The following PTPRD variants were observed in gnomAD, a reference collection of about 807,000 sequenced individuals.
PTPRD encodes protein tyrosine phosphatase receptor type D, also known as receptor-type tyrosine-protein phosphatase delta.
A neutral mutation model predicts 214.5 loss-of-function variants in PTPRD; 34 were observed. The ratio of observed to expected loss-of-function variants is 0.16; its 90% CI spans 0.12 to 0.21. PTPRD has a LOEUF of 0.21. PTPRD is among the 10% of genes least tolerant of loss of function. PTPRD has a pLI of 1.00. For missense variants in PTPRD, 2,545 were observed against 2,398.7 expected (o/e 1.06, Z -1.27); for synonymous variants, 1,128 against 845.7 (o/e 1.33, Z -5.79).
At chr9:10,205,195 T>C (rs2099463705) in intron 3 of PTPRD, among the ~76,000 whole-genome samples, 1 of 152,020 alleles carries the variant, frequency 6.6e-6, no homozygotes, top group Non-Finnish European at 1.5e-5. Flanking sequence ...CTCATCTTTC[T>C]TGTAGGATTT....
chr9:10,377,654 G>A (rs545915054), intron 2 of PTPRD, among the ~76,000 whole-genome samples: 1 of 152,164 alleles, frequency 6.6e-6, no homozygotes, highest in South Asian at 2.1e-4. Flanking sequence ...GTATTCCATG[G>A]TGTATATATG....
At chr9:9,913,126 TA>T (rs1163344148) in intron 5 of PTPRD, among the ~76,000 whole-genome samples, 1 of 144,336 alleles carries the variant, frequency 6.9e-6, no homozygotes, top group African/African-American at 2.7e-5. Flanking sequence ...ATAGCTCCAA[TA>T]AAAAATAATT....
intron 2 of PTPRD, among the ~76,000 whole-genome samples, chr9:10,442,301 G>A (rs1382795861): frequency 2.0e-5 from 3 of 151,632 alleles, no homozygotes; most frequent in Admixed American, 6.6e-5. Context: ...AGGAAAAAGG[G>A]TATTGAAGGA....
chr9:8,731,671 C>T (rs570334115), intron 12 of PTPRD, among the ~76,000 whole-genome samples: 1 of 152,208 alleles, frequency 6.6e-6, no homozygotes, highest in African/African-American at 2.4e-5. Context: ...CTACCATGTG[C>T]TTTCACAAAC....
rs540591063 is a variant in PTPRD at position 9,938,598 on chromosome 9, T to G, written c.-459A>C. 1 of 152,268 alleles carries G rather than the reference T, an allele frequency of 6.6e-6. No homozygotes were observed. The highest frequency in any genetic ancestry group is 2.1e-4 in the South Asian group (1 of 4,822). 9.4% of individuals were successfully genotyped at this position (152,268 alleles called of 1,614,324 possible). A position where few individuals can be genotyped will look rare whatever the true frequency, so the allele number is the denominator to read the frequency against. ...TATCACGGGCCAGGAACTGCTTGCC[T>G]TTTATTTTCCACCTGGAACAAAACA... On this transcript the variant is annotated 5_prime_UTR_variant, in exon 5 of 46. Transcript: ENST00000381196.
At chr9:9,818,050 C>A (rs1418699696) in intron 5 of PTPRD, among the ~76,000 whole-genome samples, 1 of 152,164 alleles carries the variant, frequency 6.6e-6, no homozygotes, top group Non-Finnish European at 1.5e-5. Flanking sequence ...AACTTTGGTT[C>A]TCTCACAGTG....
intron 8 of PTPRD, among the ~76,000 whole-genome samples, chr9:9,444,850 TA>T (rs1440122868): frequency 6.6e-6 from 1 of 152,180 alleles, no homozygotes; most frequent in Non-Finnish European, 1.5e-5. Flanking sequence ...CTATTAGATT[TA>T]TCATTTAAAG....
At chr9:10,033,348 T>G (rs1471273884) in intron 4 of PTPRD, among the ~76,000 whole-genome samples, 1 of 151,872 alleles carries the variant, frequency 6.6e-6, no homozygotes, top group Non-Finnish European at 1.5e-5. Flanking sequence ...TTTTTACAAG[T>G]CATAGCTTCA....
chr9:9,589,740 T>C (rs1270512006), intron 7 of PTPRD, among the ~76,000 whole-genome samples: 1 of 152,036 alleles, frequency 6.6e-6, no homozygotes, highest in Non-Finnish European at 1.5e-5. Context: ...AGTTAAATTA[T>C]TCCATTGGGT....
intron 11 of PTPRD, among the ~76,000 whole-genome samples, chr9:8,807,274 T>C (rs1456703890): frequency 6.6e-6 from 1 of 151,252 alleles, no homozygotes; most frequent in African/African-American, 2.4e-5. Flanking sequence ...GAGGCAGAGG[T>C]TGCAGTGAGC....
chr9:10,288,728 C>T (rs537743771), intron 3 of PTPRD, among the ~76,000 whole-genome samples: 1 of 152,286 alleles, frequency 6.6e-6, no homozygotes, highest in South Asian at 2.1e-4. Flanking sequence ...GGCATGAAAG[C>T]TTTATCTCTG....
intron 5 of PTPRD, among the ~76,000 whole-genome samples, chr9:9,932,191 C>G (rs1476528581): frequency 6.6e-6 from 1 of 150,870 alleles, no homozygotes; most frequent in East Asian, 1.9e-4. Context: ...CAAAGGAACG[C>G]AGTTCCTCAC....
chr9:10,293,569 T>C (rs2095591579), intron 3 of PTPRD, among the ~76,000 whole-genome samples: 1 of 151,984 alleles, frequency 6.6e-6, no homozygotes, highest in Admixed American at 6.6e-5. Flanking sequence ...AGGATACTCC[T>C]TGGGAGTTTA....
At chr9:9,917,656 G>C (rs1467200882) in intron 5 of PTPRD, among the ~76,000 whole-genome samples, 1 of 151,796 alleles carries the variant, frequency 6.6e-6, no homozygotes, top group Non-Finnish European at 1.5e-5. Context: ...AAAACTGCAA[G>C]CCAATAGCCT....
intron 2 of PTPRD, among the ~76,000 whole-genome samples, chr9:10,494,178 T>C (rs2041286514): frequency 6.6e-6 from 1 of 151,936 alleles, no homozygotes; most frequent in Non-Finnish European, 1.5e-5. Context: ...ACATTCTTCT[T>C]ACATTTTTAT....
rs112581061 is a variant in PTPRD, at chr9:8,491,361, T to C, written c.2467+1501A>G. ...GTTAAAATAGACAAAATCATTCCTT[T>C]CTCTAAAATTCATATTCCTCGGCTA... On this transcript the variant is annotated intron_variant, in intron 27 of 45. Transcript: ENST00000381196. 3.1e-3 allele frequency among the ~76,000 whole-genome samples: 478 copies of C among 152,252 alleles called. 4 individuals are homozygous for C. Among genetic ancestry groups the C allele is most frequent in the African/African-American group, 0.011 (453 of 41,540 alleles).
intron 11 of PTPRD, among the ~76,000 whole-genome samples, chr9:8,986,337 T>C (rs905819733): frequency 6.6e-6 from 1 of 152,056 alleles, no homozygotes; most frequent in African/African-American, 2.4e-5. Flanking sequence ...GTAGAATCAT[T>C]GCAGAAGGGT....
In PTPRD at chr9:8,678,616, T is replaced by C. The variant is rs910697945; in HGVS notation, c.65-41772A>G. On this transcript the variant is annotated intron_variant, in intron 12 of 45. Coordinates refer to ENST00000381196, the MANE Select transcript of PTPRD (RefSeq NM_002839.4). ...AGTATTTTGGCCCATATTTGCTTTC[T>C]ATAGGATAAGATTCCAAAAGCGAAG... Among the ~76,000 whole-genome samples, 4 of 152,194 alleles carry C rather than the reference T, an allele frequency of 2.6e-5. No individual in the cohort carries two copies. In the South Asian group the frequency reaches 8.3e-4, roughly 31 times the overall value.
intron 11 of PTPRD, among the ~76,000 whole-genome samples, chr9:8,820,727 CCA>C (rs141466292): frequency 1.0e-4 from 15 of 150,668 alleles, no homozygotes; most frequent in South Asian, 2.1e-4. Context: ...ATACTACACA[CCA>C]CACACACACA....
Sources: gnomAD v4.1 joint callset for allele counts (sites outside exome capture counted in the v4.1 genomes callset) on GRCh38, gnomAD v4.1.1 for gene constraint, MANE v1.5 for transcripts, NCBI Gene and HGNC (gene_info 2026-07-23, HGNC 2026-07-21) for gene names.